SH3RF2: variants seen among roughly 807,000 people sequenced by gnomAD.
The protein encoded by SH3RF2 is E3 ubiquitin-protein ligase SH3RF2.
SH3RF2 carries 43 observed loss-of-function variants against 59.0 expected under a neutral mutation model. The observed-to-expected ratio is 0.73, with a 90% confidence interval of 0.57 to 0.94. The LOEUF (loss-of-function observed/expected upper bound fraction) is 0.94, where lower values mean the gene tolerates loss of function less well. SH3RF2 is among the 40% of genes least tolerant of loss of function. The pLI, the probability that SH3RF2 is intolerant of heterozygous loss-of-function variation, is 0.00. For synonymous variants in SH3RF2, 391 were observed against 391.5 expected (o/e 1.00, Z 0.01); for missense variants, 930 against 940.1 (o/e 0.99, Z 0.14).
At position 146,000,128 on chromosome 5, in the gene SH3RF2, A is replaced by C; in HGVS notation, c.449A>C (p.Asp150Ala). The C allele has an allele frequency of 6.2e-7, 1 of 1,613,898 alleles. No individual in the cohort carries two copies. The highest frequency in any genetic ancestry group is 1.7e-5 in the Admixed American group (1 of 59,950). ...GGTGACCTAAGGTTTAATAAGGGAG[A>C]TATCATCCTTCTCCGGAGACAGCTT... ...NPGDLRFNKG[D>A]IILLRRQLDE... is the part of the protein sequence containing the mutation. The change falls in exon 3 of 10, where the codon GAT (aspartate) becomes GCT (alanine). Residue 150 changes from aspartate (D) to alanine (A), a missense_variant. Transcript: ENST00000359120.
Position 146,002,469 on chromosome 5 carries a change from A to AAAGGAAGGAAGGAAGG in SH3RF2, c.649-1535_649-1520dup, listed in dbSNP as rs368645230. 3.2e-3 allele frequency among the ~76,000 whole-genome samples: 310 copies of AAAGGAAGGAAGGAAGG among 97,556 alleles called. 3 individuals are homozygous for AAAGGAAGGAAGGAAGG. Among genetic ancestry groups the AAAGGAAGGAAGGAAGG allele is most frequent in the African/African-American group, 6.5e-3 (154 of 23,784 alleles). The allele number at this position is 97,556 out of a possible 152,430, so 64.0% of individuals were successfully genotyped here. ...CCATCTAAAAATTAAAAAAGAAAGA[A>AAAGGAAGGAAGGAAGG]AAGGAAGGAAGGAAGGAAGGAAGGA... is the stretch of plus-strand genomic sequence containing the variant. On this transcript the variant is annotated intron_variant, in intron 3 of 9. Transcript: ENST00000359120.
At chr5:146,002,437 C>T (rs1036126097) in intron 3 of SH3RF2, among the ~76,000 whole-genome samples, 1 of 140,896 alleles carries the variant, frequency 7.1e-6, no homozygotes, top group Non-Finnish European at 1.5e-5. Context: ...GGCAACAGAG[C>T]GAGACTCCAT....
chr5:146,041,454 A>T (rs1248397253), intron 5 of SH3RF2, among the ~76,000 whole-genome samples: 1 of 152,224 alleles, frequency 6.6e-6, no homozygotes, highest in African/African-American at 2.4e-5. Context: ...CAGTAACCCC[A>T]GTGCCTAGCA....
chr5:145,986,492 G>T (rs2149973307), intron 2 of SH3RF2, among the ~76,000 whole-genome samples: 1 of 152,280 alleles, frequency 6.6e-6, no homozygotes, highest in South Asian at 2.1e-4. Flanking sequence ...TGCCTCCCAG[G>T]CCGAATGAGA....
At chr5:145,997,296 A>G in intron 2 of SH3RF2, 1 of 1,015,866 alleles carries the variant, frequency 9.8e-7, no homozygotes, top group Non-Finnish European at 1.6e-6. Context: ...AGAGGAATCC[A>G]AAAAGCAGCT....
At chr5:146,023,571 G>A (rs1444591106) in intron 5 of SH3RF2, among the ~76,000 whole-genome samples, 1 of 152,154 alleles carries the variant, frequency 6.6e-6, no homozygotes, top group Non-Finnish European at 1.5e-5. Flanking sequence ...TCAATTTTTT[G>A]TCAAGAATAC....
At position 145,937,704 on chromosome 5, in the gene SH3RF2, C is replaced by T. The variant is rs554443189; in HGVS notation, c.-106-119C>T. 98 of 561,964 alleles carry T rather than the reference C, an allele frequency of 1.7e-4. 1 individual carries two copies. Among genetic ancestry groups the T allele is most frequent in the South Asian group, 1.7e-3 (72 of 41,650 alleles). The allele number at this position is 561,964 out of a possible 1,614,324, so 34.8% of individuals were successfully genotyped here. On this transcript the variant is annotated intron_variant, in intron 1 of 9. Transcript: ENST00000359120. The stretch of plus-strand genomic sequence containing the variant: ...TTGAATCAGAATGAGTCATTTGAAA[C>T]TTGGGTGCCGGAACAAAGTACTTGC...
intron 2 of SH3RF2, among the ~76,000 whole-genome samples, chr5:145,995,620 A>G (rs541236170): frequency 6.6e-6 from 1 of 152,316 alleles, no homozygotes; most frequent in East Asian, 1.9e-4. Flanking sequence ...TCCAATTTTA[A>G]TAAGCAATAC....
At chr5:146,037,237 C>T (rs930491023) in intron 5 of SH3RF2, among the ~76,000 whole-genome samples, 1 of 152,156 alleles carries the variant, frequency 6.6e-6, no homozygotes, top group African/African-American at 2.4e-5. Context: ...TGCCCCCTTT[C>T]GTAGATAAGG....
chr5:145,987,077 G>A (rs1759735088), intron 2 of SH3RF2, among the ~76,000 whole-genome samples: 1 of 152,214 alleles, frequency 6.6e-6, no homozygotes, highest in Admixed American at 6.5e-5. Flanking sequence ...TGATGTCTTA[G>A]CATTCTACCA....
chr5:145,963,639 T>C (rs995750476), intron 2 of SH3RF2, among the ~76,000 whole-genome samples: 35 of 152,058 alleles, frequency 2.3e-4, no homozygotes, highest in African/African-American at 8.5e-4. Flanking sequence ...AAAATTACTC[T>C]CCTGTCAGGC....
intron 2 of SH3RF2, among the ~76,000 whole-genome samples, chr5:145,970,869 C>T (rs1310394197): frequency 6.6e-6 from 1 of 152,000 alleles, no homozygotes; most frequent in Non-Finnish European, 1.5e-5. Context: ...AATTTATGAA[C>T]ATGTAATTTT....
downstream of SH3RF2, among the ~76,000 whole-genome samples, chr5:146,067,042 G>A (rs1763124400): frequency 6.6e-6 from 1 of 152,166 alleles, no homozygotes; most frequent in Non-Finnish European, 1.5e-5. Context: ...GTCCCATTGA[G>A]CAGCATCAAG....
chr5:146,073,941 G>A (rs12374538), intron 9 of SH3RF2, among the ~76,000 whole-genome samples: 41,428 of 151,874 alleles, frequency 0.27, 6,436 homozygotes, highest in Admixed American at 0.37. Flanking sequence ...AAGACTAAGA[G>A]GGAACCAGAC....
intron 5 of SH3RF2, among the ~76,000 whole-genome samples, chr5:146,046,807 A>G (rs1762320389): frequency 6.6e-6 from 1 of 151,778 alleles, no homozygotes; most frequent in Non-Finnish European, 1.5e-5. Context: ...TCTTTCACCC[A>G]GGTTGGAGTG....
intron 5 of SH3RF2, among the ~76,000 whole-genome samples, chr5:146,030,341 ATAC>A (rs1761697862): frequency 2.0e-5 from 3 of 152,330 alleles, no homozygotes; most frequent in African/African-American, 7.2e-5. Flanking sequence ...CCTGGAGCAT[ATAC>A]TCAGGTGACA....
chr5:146,049,887 A>C (rs1762435718), intron 7 of SH3RF2, among the ~76,000 whole-genome samples: 1 of 152,026 alleles, frequency 6.6e-6, no homozygotes, highest in African/African-American at 2.4e-5. Flanking sequence ...AAATGCACCT[A>C]GACCCCAAAA....
chr5:146,064,085 G>A (rs1371853343), downstream of SH3RF2, among the ~76,000 whole-genome samples: 3 of 152,108 alleles, frequency 2.0e-5, no homozygotes, highest in African/African-American at 7.2e-5. Flanking sequence ...CTAGGGGAAA[G>A]CTGCTATAAA....
chr5:146,057,980 C>A lies in SH3RF2; in HGVS notation c.1555+1767C>A, dbSNP rs867559037. ...TCTCTCTCTCTCTCTATCTATCTATCTATCTATATATATATATTTGATTTA... is the reference window on the plus strand; with the variant it reads ...TCTCTCTCTCTCTCTATCTATCTATATATCTATATATATATATTTGATTTA... On this transcript the variant is annotated intron_variant, in intron 8 of 9. Coordinates refer to ENST00000359120, the MANE Select transcript of SH3RF2 (RefSeq NM_152550.4). 6.9e-3 allele frequency among the ~76,000 whole-genome samples: 895 copies of A among 128,986 alleles called. 11 individuals are homozygous for A. Among genetic ancestry groups the A allele is most frequent in the African/African-American group, 0.024 (836 of 35,242 alleles). 84.6% of individuals were successfully genotyped at this position (128,986 alleles called of 152,430 possible). A position where few individuals can be genotyped will look rare whatever the true frequency, so the allele number is the denominator to read the frequency against.
Sources: allele counts gnomAD v4.1 joint callset (sites outside exome capture counted in the v4.1 genomes callset), GRCh38; gene constraint gnomAD v4.1.1; transcripts MANE v1.5; gene names NCBI Gene and HGNC (gene_info 2026-07-23, HGNC 2026-07-21).